IKZF1: variants seen among roughly 807,000 people sequenced by gnomAD.
IKZF1 encodes DNA-binding protein Ikaros.
Under a neutral mutation model 51.7 loss-of-function variants are expected in IKZF1, and 10 were observed. The observed-to-expected ratio is 0.19, with a 90% confidence interval of 0.12 to 0.33. The LOEUF (loss-of-function observed/expected upper bound fraction) is 0.33, where lower values mean the gene tolerates loss of function less well. Among genes scored for constraint, IKZF1 ranks in the 10% least tolerant of loss-of-function variants. The probability of loss-of-function intolerance (pLI) is 1.00; values close to 1 mark genes in which losing one functional copy is unlikely to be tolerated. For missense variants in IKZF1, 484 were observed against 707.5 expected, an observed-to-expected ratio of 0.68 and a Z score of 3.58; for synonymous variants, 280 against 282.3, an observed-to-expected ratio of 0.99 and a Z score of 0.08.
chr7:50,376,534 C>A lies in IKZF1; in HGVS notation c.162C>A (p.Ala54=), dbSNP rs766296379. The change falls in exon 4 of 8, where the codon GCC becomes GCA. Residue 54 remains alanine (A), a splice_region_variant and synonymous_variant. Transcript: ENST00000331340. This position sits in a 1 kb window ranked among gnomAD's most constrained non-coding sequence, Gnocchi z 4.5. The part of the protein sequence containing the change: ...QQSSKSDRVV[A]SNVKVETQSD... ...GGCCTCCTGTATTGTTTCTTTCAGC[C>A]AGTAATGTTAAAGTAGAGACTCAGA... 1 of 1,613,282 alleles carries A rather than the reference C, an allele frequency of 6.2e-7. No homozygotes were observed. The highest frequency in any genetic ancestry group is 8.5e-7 in the Non-Finnish European group (1 of 1,179,530).
intron 3 of IKZF1, among the ~76,000 whole-genome samples, chr7:50,370,837 TGGGGTGG>T (rs1354561691): frequency 6.6e-6 from 1 of 152,140 alleles, no homozygotes; most frequent in Non-Finnish European, 1.5e-5. Context: ...TTCTAAGTAA[TGGGGTGG>T]GGGGTTACAA....
chr7:50,382,098 T>C (rs1235747884), intron 4 of IKZF1, among the ~76,000 whole-genome samples: 1 of 152,226 alleles, frequency 6.6e-6, no homozygotes, highest in African/African-American at 2.4e-5. Flanking sequence ...CTTGTGATCC[T>C]GAAATGCATT....
intron 6 of IKZF1, among the ~76,000 whole-genome samples, chr7:50,388,212 A>G (rs1257813426): frequency 6.6e-6 from 1 of 152,252 alleles, no homozygotes; most frequent in Non-Finnish European, 1.5e-5. Context: ...CAATTTATAA[A>G]GAGATCAAAT....
chr7:50,336,526 G>A (rs987028039), intron 3 of IKZF1, among the ~76,000 whole-genome samples: 10 of 152,234 alleles, frequency 6.6e-5, no homozygotes, highest in Non-Finnish European at 1.5e-4. Flanking sequence ...TAGCCCTTCA[G>A]GGGGCCTGTC....
rs556840656 is a variant in IKZF1, at chr7:50,348,581, C to A, written c.160+20824C>A. Among the ~76,000 whole-genome samples the A allele has an allele frequency of 2.6e-5, 4 of 152,336 alleles. No homozygotes were observed. In the South Asian group the frequency reaches 8.3e-4, roughly 32 times the overall value. ...ATCATCCACAGCCGCAGCAGAGGCC[C>A]TGCCCACTTGAACAATGAGACAGGC... On this transcript the variant is annotated intron_variant, in intron 3 of 7. Transcript: ENST00000331340.
intron 5 of IKZF1, 138 bp from the exon 6 acceptor site, chr7:50,387,207 C>T: frequency 8.1e-7 from 1 of 1,238,726 alleles, no homozygotes; most frequent in Non-Finnish European, 1.1e-6. Context: ...GGAATTTCAC[C>T]AAGTCCGTAA....
intron 7 of IKZF1, among the ~76,000 whole-genome samples, chr7:50,398,263 G>A (rs1276785918): frequency 1.3e-5 from 2 of 152,172 alleles, no homozygotes; most frequent in Non-Finnish European, 2.9e-5. Context: ...TGAATGAGAA[G>A]GCCACTTCTT....
chr7:50,313,584 C>T (rs915719515), intron 1 of IKZF1, among the ~76,000 whole-genome samples: 18 of 152,176 alleles, frequency 1.2e-4, no homozygotes, highest in Admixed American at 7.2e-4. Context: ...TTCTGATGGG[C>T]AAGAGTGCTA....
rs117851390 is a variant in IKZF1 at position 50,386,586 on chromosome 7, T to C, written c.590-759T>C. On this transcript the variant is annotated intron_variant, in intron 5 of 7. Coordinates refer to ENST00000331340, the MANE Select transcript of IKZF1 (RefSeq NM_006060.6). ...AACAATATATTTTGTATTTTCTATG[T>C]ATATGTATATGAGAATACGTATACA... 5.4e-3 allele frequency among the ~76,000 whole-genome samples: 816 copies of C among 152,188 alleles called. 6 individuals carry two copies. The highest frequency in any genetic ancestry group is 9.4e-3 in the Non-Finnish European group (636 of 67,982).
intron 4 of IKZF1, among the ~76,000 whole-genome samples, chr7:50,378,071 A>G (rs1810817780): frequency 6.6e-6 from 1 of 152,226 alleles, no homozygotes; most frequent in African/African-American, 2.4e-5. Flanking sequence ...TTAAGCAGAA[A>G]TGCAGAAAAT....
chr7:50,322,468 C>T (rs953138223), intron 2 of IKZF1, among the ~76,000 whole-genome samples: 2 of 152,120 alleles, frequency 1.3e-5, no homozygotes, highest in Non-Finnish European at 2.9e-5. Flanking sequence ...CCCTGGTTTA[C>T]AGTGTCTCAC....
Position 50,376,934 on chromosome 7 carries a change from A to AGT in IKZF1, c.421+143_421+144dup, listed in dbSNP as rs1810450609. ...CAGTTGTTGCAAGCGATTGGTTCCA[A>AGT]GTGGTACCGAGTCATAGAGTCCTTG... On this transcript the variant is annotated intron_variant, in intron 4 of 7. Transcript: ENST00000331340. The surrounding 1 kb of genome is among the most constrained non-coding windows in gnomAD (Gnocchi z 4.5). The AGT allele has an allele frequency of 7.2e-7, 1 of 1,382,436 alleles. No individual in the cohort carries two copies. The highest frequency in any genetic ancestry group is 2.7e-5 in the Admixed American group (1 of 37,524). The allele number at this position is 1,382,436 out of a possible 1,614,324, so 85.6% of individuals were successfully genotyped here. A position where few individuals can be genotyped will look rare whatever the true frequency, so the allele number is the denominator to read the frequency against.
chr7:50,335,526 G>C (rs936603598), intron 3 of IKZF1, among the ~76,000 whole-genome samples: 2 of 141,518 alleles, frequency 1.4e-5, no homozygotes, highest in Middle Eastern at 4.2e-3. Context: ...GTGGTGTGTG[G>C]TGCATAGTGT....
chr7:50,371,658 C>T (rs766645173), intron 3 of IKZF1, among the ~76,000 whole-genome samples: 29 of 152,368 alleles, frequency 1.9e-4, no homozygotes, highest in East Asian at 1.9e-4. Context: ...TCATCTCCCA[C>T]TTGCCTCTCC....
chr7:50,375,283 A>G (rs571498715), intron 3 of IKZF1, among the ~76,000 whole-genome samples: 6 of 152,264 alleles, frequency 3.9e-5, no homozygotes, highest in African/African-American at 1.2e-4. Context: ...AAATGGCTGG[A>G]TGTGGTGGTG....
At chr7:50,311,614 ATTT>A (rs1049958159) in intron 1 of IKZF1, among the ~76,000 whole-genome samples, 1 of 152,226 alleles carries the variant, frequency 6.6e-6, no homozygotes, top group African/African-American at 2.4e-5. Flanking sequence ...ACAAGCACTT[ATTT>A]TAATAGAAGT....
intron 1 of IKZF1, chr7:50,308,617 A>G (rs1204930526): frequency 6.6e-6 from 1 of 152,270 alleles, no homozygotes; most frequent in Non-Finnish European, 1.5e-5. Flanking sequence ...TTAGGACAGG[A>G]AGCACAGGCT....
intron 1 of IKZF1, among the ~76,000 whole-genome samples, chr7:50,317,810 C>T (rs181135669): frequency 2.0e-5 from 3 of 152,116 alleles, no homozygotes; most frequent in Middle Eastern, 3.4e-3. Flanking sequence ...ACACTTCTAC[C>T]CTCACAGTTT....
chr7:50,353,707 C>T (rs368590173), intron 3 of IKZF1, among the ~76,000 whole-genome samples: 13 of 152,350 alleles, frequency 8.5e-5, no homozygotes, highest in African/African-American at 3.1e-4. Flanking sequence ...CCTTTTTATT[C>T]AAGGGGCTCT....
Sources: gnomAD v4.1 joint callset for allele counts (sites outside exome capture counted in the v4.1 genomes callset) on GRCh38, gnomAD v4.1.1 for gene constraint, Gnocchi (gnomAD v3.1) non-coding constraint, MANE v1.5 for transcripts, NCBI Gene and HGNC (gene_info 2026-07-23, HGNC 2026-07-21) for gene names.